OSBP2: variants seen among roughly 807,000 people sequenced by gnomAD.
OSBP2 encodes oxysterol binding protein 2.
OSBP2 carries 66 observed loss-of-function variants against 96.0 expected under a neutral mutation model. The ratio of observed to expected loss-of-function variants is 0.69; its 90% CI spans 0.56 to 0.84. The LOEUF is 0.84. Ranked by LOEUF, OSBP2 falls within the 40% of genes least tolerant of loss-of-function variation. The probability of loss-of-function intolerance (pLI) is 0.00; values close to 1 mark genes in which losing one functional copy is unlikely to be tolerated. For missense variants in OSBP2, 1,038 were observed against 1,222.7 expected, an observed-to-expected ratio of 0.85 and a Z score of 2.25; for synonymous variants, 525 against 520.9, an observed-to-expected ratio of 1.01 and a Z score of -0.11.
At chr22:30,748,623 T>G (rs2090036696) in intron 2 of OSBP2, among the ~76,000 whole-genome samples, 1 of 152,148 alleles carries the variant, frequency 6.6e-6, no homozygotes, top group African/African-American at 2.4e-5. Context: ...GACTGTGGTG[T>G]TGCGGTTCCT....
intron 2 of OSBP2, among the ~76,000 whole-genome samples, chr22:30,849,912 G>T (rs2038945171): frequency 6.6e-6 from 1 of 152,126 alleles, no homozygotes; most frequent in Non-Finnish European, 1.5e-5. Flanking sequence ...TAGTTGTCAA[G>T]GTTACTTTTT....
chr22:30,819,207 T>C (rs2091118498), intron 2 of OSBP2, among the ~76,000 whole-genome samples: 1 of 152,186 alleles, frequency 6.6e-6, no homozygotes, highest in African/African-American at 2.4e-5. Context: ...TGGTGGTGCA[T>C]GCCTATAATC....
chr22:30,741,269 C>T lies in OSBP2; in HGVS notation c.753C>T (p.Ser251=), dbSNP rs753044115. 4 of 1,614,022 alleles carry T rather than the reference C, an allele frequency of 2.5e-6. No homozygotes were observed. The highest frequency in any genetic ancestry group is 3.4e-6 in the Non-Finnish European group (4 of 1,179,994). Residue 251 remains serine, a synonymous_variant, in exon 2 of 14, where the codon AGC becomes AGT. Transcript: ENST00000332585. Reference sequence around the variant, plus strand: ...TCTTGCTGACCAGTGGGGCCAGGAGCTACCACCTCAAGGCCAGCTCAGAGG... The same window carrying T: ...TCTTGCTGACCAGTGGGGCCAGGAGTTACCACCTCAAGGCCAGCTCAGAGG... ...CGILLTSGAR[S]YHLKASSEVD... is the part of the protein sequence containing the mutation.
At chr22:30,902,267 G>T in intron 12 of OSBP2, 3 of 1,587,876 alleles carry the variant, frequency 1.9e-6, no homozygotes, top group African/African-American at 2.7e-5. Context: ...GGTTCAGGGC[G>T]ACATAGATGC....
At chr22:30,796,206 TG>T (rs1181050077) in intron 2 of OSBP2, among the ~76,000 whole-genome samples, 3 of 152,284 alleles carry the variant, frequency 2.0e-5, no homozygotes, top group South Asian at 2.1e-4. Context: ...TGGCTTTATG[TG>T]GATATAGCTT....
intron 2 of OSBP2, among the ~76,000 whole-genome samples, chr22:30,808,178 T>C (rs1274621745): frequency 6.6e-6 from 1 of 152,028 alleles, no homozygotes; most frequent in Non-Finnish European, 1.5e-5. Flanking sequence ...AAGCGAGGTA[T>C]ACACAGAAGA....
Position 30,703,568 on chromosome 22 carries a change from T to C in OSBP2, c.644+8015T>C, listed in dbSNP as rs1286653134. Among the ~76,000 whole-genome samples, 7 of 151,904 alleles carry C rather than the reference T, an allele frequency of 4.6e-5. No individual in the cohort carries two copies. In the East Asian group the frequency reaches 1.4e-3, roughly 29 times the overall value. On this transcript the variant is annotated intron_variant, in intron 1 of 13. Coordinates refer to ENST00000332585, the MANE Select transcript of OSBP2 (RefSeq NM_030758.4). ...CTGGCTCACCACAACCTCTGCCACC[T>C]GGGTTCAAGCAATTCTCCTGTCTTA...
At position 30,881,706 on chromosome 22, in the gene OSBP2, G is replaced by A. The variant is rs376940227; in HGVS notation, c.1108-5720G>A. ...AGCATTCTGAGAACAGCAGGGCCAC[G>A]CCAGGCGCCTGCCTCTCCCCACAGC... On this transcript the variant is annotated intron_variant, in intron 3 of 13. Transcript: ENST00000332585. This position sits in a 1 kb window ranked among gnomAD's most constrained non-coding sequence, Gnocchi z 4.5. 11 of 1,303,954 alleles carry A rather than the reference G, an allele frequency of 8.4e-6. No individual in the cohort carries two copies. The Admixed American group carries it at 9.2e-5, about 11-fold the overall frequency. The allele number at this position is 1,303,954 out of a possible 1,614,324, so 80.8% of individuals were successfully genotyped here. A position where few individuals can be genotyped will look rare whatever the true frequency, so the allele number is the denominator to read the frequency against.
intron 2 of OSBP2, among the ~76,000 whole-genome samples, chr22:30,799,004 A>T: frequency 7.1e-6 from 1 of 141,262 alleles, no homozygotes; most frequent in African/African-American, 2.6e-5. Flanking sequence ...ACAGAGTGAG[A>T]CTCTGTCTCA....
In OSBP2 at chr22:30,878,886, G is replaced by A. The variant is rs532872309; in HGVS notation, c.1107+8204G>A. On this transcript the variant is annotated intron_variant, in intron 3 of 13. Coordinates refer to ENST00000332585, the MANE Select transcript of OSBP2 (RefSeq NM_030758.4). ...TCGGCTCGGGGGACACTCCACTTGG[G>A]GACACTCCAGCTGCAAGGGCAAAGT... Among the ~76,000 whole-genome samples the A allele has an allele frequency of 7.9e-5, 12 of 152,208 alleles. No homozygotes were observed. The East Asian group carries it at 2.3e-3, about 29-fold the overall frequency.
chr22:30,856,977 C>T (rs1396873048), intron 2 of OSBP2, among the ~76,000 whole-genome samples: 1 of 152,136 alleles, frequency 6.6e-6, no homozygotes. Flanking sequence ...TTAAGTCCCA[C>T]CTCATTTGTC....
chr22:30,907,582 A>G lies in OSBP2; in HGVS notation c.*1243A>G, dbSNP rs2040357929. 1 of 152,194 alleles carries G rather than the reference A, an allele frequency of 6.6e-6. No individual in the cohort carries two copies. The highest frequency in any genetic ancestry group is 2.4e-5 in the African/African-American group (1 of 41,318). 9.4% of individuals were successfully genotyped at this position (152,194 alleles called of 1,614,324 possible). A position where few individuals can be genotyped will look rare whatever the true frequency, so the allele number is the denominator to read the frequency against. ...CATTTCAGTTTAGTCCTAAAAGTTCATCACAGGGTCTTTCTTTCTACTCCA... is the reference window on the plus strand; with the variant it reads ...CATTTCAGTTTAGTCCTAAAAGTTCGTCACAGGGTCTTTCTTTCTACTCCA... On this transcript the variant is annotated 3_prime_UTR_variant, in exon 14 of 14. Transcript: ENST00000332585.
Position 30,741,199 on chromosome 22 carries a change from T to G in OSBP2, c.683T>G (p.Ile228Ser). 1 of 1,614,156 alleles carries G rather than the reference T, an allele frequency of 6.2e-7. No individual in the cohort carries two copies. The highest frequency in any genetic ancestry group is 8.5e-7 in the Non-Finnish European group (1 of 1,180,024). ...ATGGCCCACACGTGCCGTGGAACCA[T>G]CAACCTGTCCACCGCGCACATTGAC... is the stretch of plus-strand genomic sequence containing the variant. ...GEMAHTCRGTINLSTAHIDTE... is the reference protein window; with the variant it reads ...GEMAHTCRGTSNLSTAHIDTE... Residue 228 changes from isoleucine (I) to serine (S), a missense_variant, in exon 2 of 14, where the codon ATC becomes AGC. Coordinates refer to ENST00000332585, the MANE Select transcript of OSBP2 (RefSeq NM_030758.4).
intron 1 of OSBP2, among the ~76,000 whole-genome samples, chr22:30,699,085 G>T (rs2089112380): frequency 6.6e-6 from 1 of 152,010 alleles, no homozygotes; most frequent in Non-Finnish European, 1.5e-5. Flanking sequence ...GGGATCACAA[G>T]CGTGTGCTAC....
intron 2 of OSBP2, among the ~76,000 whole-genome samples, chr22:30,797,770 T>C (rs1358163645): frequency 6.6e-6 from 1 of 151,678 alleles, no homozygotes; most frequent in Non-Finnish European, 1.5e-5. Flanking sequence ...CTTTGTACTT[T>C]TCGTAGAGAG....
chr22:30,764,786 G>A (rs2090250309), intron 2 of OSBP2, among the ~76,000 whole-genome samples: 1 of 152,154 alleles, frequency 6.6e-6, no homozygotes, highest in Non-Finnish European at 1.5e-5. Flanking sequence ...AGACCCCTCA[G>A]TCCTGAGGAG....
chr22:30,902,140 C>CAAAAA lies in OSBP2; in HGVS notation c.2376-3689_2376-3685dup, dbSNP rs1239083048. 184 of 258,432 alleles carry CAAAAA rather than the reference C, an allele frequency of 7.1e-4. 1 individual carries two copies. The highest frequency in any genetic ancestry group is 1.1e-3 in the Admixed American group (19 of 17,784). The allele number at this position is 258,432 out of a possible 1,614,324, so 16.0% of individuals were successfully genotyped here. ...AAAAAAAAAACGAAAAAAAAAAAACCAAAAAAAAAAAACAGAGGGTCCCAC... is the reference window on the plus strand; with the variant it reads ...AAAAAAAAAACGAAAAAAAAAAAACCAAAAAAAAAAAAAAAAACAGAGGGTCCCAC... On this transcript the variant is annotated intron_variant, in intron 12 of 13. Coordinates refer to ENST00000332585, the MANE Select transcript of OSBP2 (RefSeq NM_030758.4).
chr22:30,764,932 G>A lies in OSBP2; in HGVS notation c.853+23563G>A, dbSNP rs550642531. ...TGAATAACTTCTCTCTTACTTTGAG[G>A]GACATGAAGTCTTCCTGGGGGAGCA... On this transcript the variant is annotated intron_variant, in intron 2 of 13. Coordinates refer to ENST00000332585, the MANE Select transcript of OSBP2 (RefSeq NM_030758.4). Among the ~76,000 whole-genome samples, 3 of 152,202 alleles carry A rather than the reference G, an allele frequency of 2.0e-5. No individual in the cohort carries two copies. In the East Asian group the frequency reaches 5.8e-4, roughly 29 times the overall value.
chr22:30,753,105 C>T (rs977667072), intron 2 of OSBP2, among the ~76,000 whole-genome samples: 11 of 152,110 alleles, frequency 7.2e-5, no homozygotes, highest in African/African-American at 2.4e-4. Context: ...AGTTTACAGC[C>T]CTATATGAAC....
Sources: gnomAD v4.1 joint callset for allele counts (sites outside exome capture counted in the v4.1 genomes callset) on GRCh38, gnomAD v4.1.1 for gene constraint, Gnocchi (gnomAD v3.1) non-coding constraint, MANE v1.5 for transcripts, NCBI Gene and HGNC (gene_info 2026-07-23, HGNC 2026-07-21) for gene names.